CWF19L2: variants seen among roughly 807,000 people sequenced by gnomAD.
The protein encoded by CWF19L2 is CWF19-like protein 2.
In CWF19L2, 98 loss-of-function variants were observed where a neutral mutation model predicts 111.7. The observed-to-expected ratio is 0.88, with a 90% confidence interval of 0.75 to 1.04. The LOEUF (loss-of-function observed/expected upper bound fraction) is 1.04. CWF19L2 is among the 50% of genes least tolerant of loss of function. The probability of loss-of-function intolerance (pLI) is 0.00; values close to 1 mark genes in which losing one functional copy is unlikely to be tolerated. For synonymous variants in CWF19L2, 351 were observed against 342.9 expected, an observed-to-expected ratio of 1.02 and a Z score of -0.26; for missense variants, 1,101 against 1,051.4, an observed-to-expected ratio of 1.05 and a Z score of -0.65.
chr11:107,351,836 T>C (rs932806427), intron 13 of CWF19L2, among the ~76,000 whole-genome samples: 2 of 152,180 alleles, frequency 1.3e-5, no homozygotes, highest in African/African-American at 4.8e-5. Context: ...CTAATTCTGT[T>C]GGAACAAGCC....
chr11:107,329,859 C>CAAAAA, intron 17 of CWF19L2, 59 bp downstream of exon 17: 2 of 1,346,450 alleles, frequency 1.5e-6, no homozygotes, highest in East Asian at 2.5e-5. Flanking sequence ...TATTTCCTTT[C>CAAAAA]AAAAGAAAAA....
intron 12 of CWF19L2, among the ~76,000 whole-genome samples, chr11:107,359,766 GA>G (rs982742459): frequency 1.5e-4 from 21 of 142,120 alleles, no homozygotes; most frequent in Non-Finnish European, 1.1e-4. Context: ...TTTTACAAAG[GA>G]AAAAAAAAAA....
intron 3 of CWF19L2, among the ~76,000 whole-genome samples, chr11:107,445,321 C>T (rs999909401): frequency 6.6e-6 from 1 of 152,072 alleles, no homozygotes; most frequent in Non-Finnish European, 1.5e-5. Context: ...AAGTAGCACC[C>T]CAGGCTGGGC....
At chr11:107,388,122 T>C (rs903189276) in intron 12 of CWF19L2, among the ~76,000 whole-genome samples, 7 of 152,194 alleles carry the variant, frequency 4.6e-5, no homozygotes, top group Non-Finnish European at 1.5e-5. Flanking sequence ...ATCACCTATA[T>C]GGAAAGACTT....
At chr11:107,337,367 TTGTG>T (rs5794537) in intron 14 of CWF19L2, among the ~76,000 whole-genome samples, 3,827 of 148,158 alleles carry the variant, frequency 0.026, 54 homozygotes, top group Middle Eastern at 0.045. Context: ...GGTGTGTGTT[TTGTG>T]TGTGTGTGTG....
At chr11:107,428,689 T>G in intron 8 of CWF19L2, 110 bp downstream of exon 8, 1 of 866,204 alleles carries the variant, frequency 1.2e-6, no homozygotes, top group South Asian at 1.8e-5. Context: ...CTATCAATTT[T>G]AAGAAATGTG....
intron 12 of CWF19L2, among the ~76,000 whole-genome samples, chr11:107,389,127 T>C (rs546829999): frequency 2.0e-5 from 3 of 152,340 alleles, no homozygotes; most frequent in South Asian, 2.1e-4. Context: ...AAATAAAAGA[T>C]TGTAAGTCTG....
chr11:107,416,770 A>G (rs1214382742), intron 9 of CWF19L2, among the ~76,000 whole-genome samples: 2 of 152,244 alleles, frequency 1.3e-5, no homozygotes, highest in African/African-American at 4.8e-5. Context: ...ATATAAAGCA[A>G]TAAACCATGA....
chr11:107,420,254 A>C (rs1861285048), intron 8 of CWF19L2, among the ~76,000 whole-genome samples: 1 of 152,142 alleles, frequency 6.6e-6, no homozygotes, highest in South Asian at 2.1e-4. Flanking sequence ...ATATAAAAGC[A>C]AAATTCAACT....
intron 12 of CWF19L2, among the ~76,000 whole-genome samples, chr11:107,359,809 C>T (rs149957929): frequency 2.0e-5 from 3 of 152,098 alleles, no homozygotes; most frequent in East Asian, 3.9e-4. Context: ...GACACAACAA[C>T]GACTCACCGA....
At chr11:107,427,503 C>G (rs140099033) in intron 8 of CWF19L2, among the ~76,000 whole-genome samples, 418 of 152,088 alleles carry the variant, frequency 2.7e-3, no homozygotes, top group African/African-American at 9.3e-3. Context: ...ATAAGACATA[C>G]AAATATGCAG....
intron 12 of CWF19L2, among the ~76,000 whole-genome samples, chr11:107,370,784 G>GTT (rs1860495990): frequency 7.3e-6 from 1 of 136,924 alleles, no homozygotes; most frequent in Non-Finnish European, 1.6e-5. Flanking sequence ...TGACAAACAG[G>GTT]TGGCAATGTT....
chr11:107,389,953 GATTTA>G (rs1162707363), intron 12 of CWF19L2, 116 bp downstream of exon 12: 50 of 822,310 alleles, frequency 6.1e-5, no homozygotes, highest in African/African-American at 1.8e-5. Context: ...TCTTACAAAG[GATTTA>G]ATTTAATAAA....
intron 12 of CWF19L2, among the ~76,000 whole-genome samples, chr11:107,355,244 C>T (rs908162901): frequency 1.3e-5 from 2 of 151,968 alleles, no homozygotes; most frequent in Admixed American, 1.3e-4. Flanking sequence ...GGTGAAACCC[C>T]GTCTTTACTA....
intron 8 of CWF19L2, among the ~76,000 whole-genome samples, chr11:107,428,347 T>G (rs894333696): frequency 3.3e-5 from 5 of 152,138 alleles, no homozygotes; most frequent in Admixed American, 2.0e-4. Flanking sequence ...CTCTGGCATG[T>G]ATTTGTCACT....
At chr11:107,419,023 C>A (rs189326897) in intron 8 of CWF19L2, among the ~76,000 whole-genome samples, 4 of 152,278 alleles carry the variant, frequency 2.6e-5, no homozygotes, top group Admixed American at 2.6e-4. Flanking sequence ...ACCAAAGAAG[C>A]GAAAGCTGCA....
At chr11:107,402,490 C>T (rs1312839951) in intron 10 of CWF19L2, among the ~76,000 whole-genome samples, 1 of 151,994 alleles carries the variant, frequency 6.6e-6, no homozygotes, top group Non-Finnish European at 1.5e-5. Context: ...TGCTCAACAT[C>T]ACTAATGATC....
intron 9 of CWF19L2, among the ~76,000 whole-genome samples, chr11:107,416,956 C>T (rs767622013): frequency 2.6e-5 from 4 of 152,258 alleles, no homozygotes; most frequent in African/African-American, 7.2e-5. Flanking sequence ...TTCTTGCTAT[C>T]GTTACTGTTG....
intron 3 of CWF19L2, among the ~76,000 whole-genome samples, chr11:107,452,901 C>T (rs896672706): frequency 4.9e-4 from 74 of 152,128 alleles, no homozygotes; most frequent in Admixed American, 4.3e-3. Flanking sequence ...TGCTTGAGCC[C>T]AGGAGTTTGA....
Sources: allele counts gnomAD v4.1 joint callset (sites outside exome capture counted in the v4.1 genomes callset), GRCh38; gene constraint gnomAD v4.1.1; transcripts MANE v1.5; gene names NCBI Gene and HGNC (gene_info 2026-07-23, HGNC 2026-07-21).